Variants in TMEM132B observed in about 807,000 individuals in gnomAD.
TMEM132B encodes transmembrane protein 132B.
A neutral mutation model predicts 90.8 loss-of-function variants in TMEM132B; 18 were observed. That is an observed-to-expected ratio of 0.20 (90% confidence interval 0.14 to 0.29). The LOEUF is 0.29. TMEM132B is among the 10% of genes least tolerant of loss of function. The pLI is 1.00. For synonymous variants in TMEM132B, 504 were observed against 523.3 expected, an observed-to-expected ratio of 0.96 and a Z score of 0.50; for missense variants, 1,096 against 1,326.8, an observed-to-expected ratio of 0.83 and a Z score of 2.70.
At chr12:125,597,512 T>C (rs1169394320) in intron 5 of TMEM132B, among the ~76,000 whole-genome samples, 1 of 152,222 alleles carries the variant, frequency 6.6e-6, no homozygotes, top group Admixed American at 6.5e-5. Flanking sequence ...TGTGTAACAA[T>C]AAATCAGCAT....
intron 3 of TMEM132B, among the ~76,000 whole-genome samples, chr12:125,430,916 C>T (rs966595482): frequency 3.3e-5 from 5 of 152,060 alleles, no homozygotes; most frequent in Non-Finnish European, 7.4e-5. Context: ...ACGAGCAGAG[C>T]CCTGAAGGGA....
intron 2 of TMEM132B, among the ~76,000 whole-genome samples, chr12:125,389,908 ACAG>A (rs1878959911): frequency 6.6e-6 from 1 of 152,214 alleles, no homozygotes; most frequent in Non-Finnish European, 1.5e-5. Flanking sequence ...ACATATACCC[ACAG>A]ACAGTAAATG....
At chr12:125,266,001 G>A (rs1215641470) in intron 1 of TMEM132B, among the ~76,000 whole-genome samples, 1 of 152,132 alleles carries the variant, frequency 6.6e-6, no homozygotes, top group African/African-American at 2.4e-5. Flanking sequence ...GGCCGAGGCA[G>A]GTGGATCACC....
At chr12:125,582,170 C>T (rs549993910) in intron 4 of TMEM132B, among the ~76,000 whole-genome samples, 4 of 151,868 alleles carry the variant, frequency 2.6e-5, no homozygotes, top group Non-Finnish European at 4.4e-5. Flanking sequence ...GAATAATATC[C>T]GTAACTACCT....
intron 1 of TMEM132B, among the ~76,000 whole-genome samples, chr12:125,314,653 G>A (rs1265736097): frequency 1.3e-5 from 2 of 152,166 alleles, no homozygotes; most frequent in Admixed American, 6.5e-5. Context: ...TCGCGAGGGA[G>A]GCACAAAGAT....
At chr12:125,345,749 G>A (rs1427930884) in intron 1 of TMEM132B, among the ~76,000 whole-genome samples, 2 of 152,108 alleles carry the variant, frequency 1.3e-5, no homozygotes, top group Non-Finnish European at 2.9e-5. Context: ...TTTCAGCTGG[G>A]CCTCATTGCT....
At chr12:125,350,458 G>C in intron 2 of TMEM132B, 115 bp downstream of exon 2, 1 of 1,267,682 alleles carries the variant, frequency 7.9e-7, no homozygotes, top group Non-Finnish European at 1.1e-6. Flanking sequence ...AATGAATACA[G>C]CTGGTCATTA....
At chr12:125,404,883 C>CA (rs1842201937) in intron 2 of TMEM132B, among the ~76,000 whole-genome samples, 1 of 152,302 alleles carries the variant, frequency 6.6e-6, no homozygotes, top group African/African-American at 2.4e-5. Flanking sequence ...TTTATTTTGT[C>CA]AGTTTATTTT....
At chr12:125,307,179 A>C (rs1213247254) in intron 1 of TMEM132B, among the ~76,000 whole-genome samples, 3 of 152,094 alleles carry the variant, frequency 2.0e-5, no homozygotes, top group African/African-American at 7.2e-5. Context: ...CTAGAATCCT[A>C]TGCATGTTAT....
intron 5 of TMEM132B, among the ~76,000 whole-genome samples, chr12:125,623,350 A>G (rs1476784989): frequency 6.6e-6 from 1 of 152,192 alleles, no homozygotes; most frequent in Non-Finnish European, 1.5e-5. Context: ...ATAAGGGGCA[A>G]CATTTTGGTA....
At chr12:125,399,144 T>G (rs1879241149) in intron 2 of TMEM132B, among the ~76,000 whole-genome samples, 1 of 152,222 alleles carries the variant, frequency 6.6e-6, no homozygotes, top group Non-Finnish European at 1.5e-5. Context: ...GATGGTCTTA[T>G]AAACCTAATG....
chr12:125,645,020 A>T (rs1158971158), intron 6 of TMEM132B, among the ~76,000 whole-genome samples: 1 of 151,826 alleles, frequency 6.6e-6, no homozygotes, highest in Non-Finnish European at 1.5e-5. Flanking sequence ...GATCGACACC[A>T]TCCTGGCTAA....
rs188703574 is a variant in TMEM132B, at chr12:125,627,620, G to A, written c.1438-16456G>A. Among the ~76,000 whole-genome samples, 214 of 152,082 alleles carry A rather than the reference G, an allele frequency of 1.4e-3. No homozygotes were observed. The Middle Eastern group carries it at 0.024, about 17-fold the overall frequency. On this transcript the variant is annotated intron_variant, in intron 5 of 8. Transcript: ENST00000682704. Reference sequence around the variant, plus strand: ...TGTGATGTGTAATAATCACATCATGGAGAATGGGATGCCCATCCCCTCAAG... The same window carrying A: ...TGTGATGTGTAATAATCACATCATGAAGAATGGGATGCCCATCCCCTCAAG...
chr12:125,476,599 G>T (rs1249852374), intron 3 of TMEM132B, among the ~76,000 whole-genome samples: 1 of 152,210 alleles, frequency 6.6e-6, no homozygotes, highest in Non-Finnish European at 1.5e-5. Flanking sequence ...GAACATTCGT[G>T]TTCAAGTATC....
rs560542422 is a variant in TMEM132B, at chr12:125,490,344, A to G, written c.1107-29095A>G. Reference sequence around the variant, plus strand: ...GGGGAATTCATACCCGTATCTGCCCAGCCTCAAAGTTCAACTCTTGTTGAT... The same window carrying G: ...GGGGAATTCATACCCGTATCTGCCCGGCCTCAAAGTTCAACTCTTGTTGAT... On this transcript the variant is annotated intron_variant, in intron 3 of 8. Coordinates refer to ENST00000682704, the MANE Select transcript of TMEM132B (RefSeq NM_001366854.1). This position sits in a 1 kb window ranked among gnomAD's most constrained non-coding sequence, Gnocchi z 4.2. Among the ~76,000 whole-genome samples, 1 of 152,256 alleles carries G rather than the reference A, an allele frequency of 6.6e-6. No homozygotes were observed. The highest frequency in any genetic ancestry group is 2.4e-5 in the African/African-American group (1 of 41,508).
rs1876342906 is a variant in TMEM132B at position 125,318,399 on chromosome 12, G to A, written c.68-31053G>A. Among the ~76,000 whole-genome samples, 3 of 151,968 alleles carry A rather than the reference G, an allele frequency of 2.0e-5. No individual in the cohort carries two copies. The South Asian group carries it at 6.2e-4, about 32-fold the overall frequency. On this transcript the variant is annotated intron_variant, in intron 1 of 8. Transcript: ENST00000682704. ...TTTAGTTCTGGGGTACATGTGCAGGGTGTGCAGATTTGTTACGTAGGTAAA... is the reference window on the plus strand; with the variant it reads ...TTTAGTTCTGGGGTACATGTGCAGGATGTGCAGATTTGTTACGTAGGTAAA...
intron 1 of TMEM132B, among the ~76,000 whole-genome samples, chr12:125,245,137 A>T (rs143995889): frequency 3.3e-5 from 5 of 152,190 alleles, no homozygotes; most frequent in African/African-American, 1.2e-4. Flanking sequence ...CAACAAAAGT[A>T]CTTTTGTTGG....
chr12:125,443,111 C>G (rs928663335), intron 3 of TMEM132B, among the ~76,000 whole-genome samples: 23 of 152,214 alleles, frequency 1.5e-4, no homozygotes, highest in African/African-American at 5.5e-4. Flanking sequence ...CTCTGAGCAG[C>G]ATTTCGGGGA....
At chr12:125,471,878 G>A (rs1404475588) in intron 3 of TMEM132B, among the ~76,000 whole-genome samples, 1 of 152,202 alleles carries the variant, frequency 6.6e-6, no homozygotes, top group Non-Finnish European at 1.5e-5. Flanking sequence ...GGGGTACAGG[G>A]TAAAGGCACG....
Sources: gnomAD v4.1 joint callset for allele counts (sites outside exome capture counted in the v4.1 genomes callset) on GRCh38, gnomAD v4.1.1 for gene constraint, Gnocchi (gnomAD v3.1) non-coding constraint, MANE v1.5 for transcripts, NCBI Gene and HGNC (gene_info 2026-07-23, HGNC 2026-07-21) for gene names.